FGF12: variants seen among roughly 807,000 people sequenced by gnomAD.
FGF12 encodes the protein fibroblast growth factor 12B.
A neutral mutation model predicts 23.6 loss-of-function variants in FGF12; 14 were observed. The ratio of observed to expected loss-of-function variants is 0.59; its 90% CI spans 0.39 to 0.93. The LOEUF (loss-of-function observed/expected upper bound fraction) is 0.93. Among genes scored for constraint, FGF12 ranks in the 40% least tolerant of loss-of-function variants. The pLI is 0.00. For synonymous variants in FGF12, 62 were observed against 77.3 expected, an observed-to-expected ratio of 0.80 and a Z score of 1.04; for missense variants, 175 against 217.8, an observed-to-expected ratio of 0.80 and a Z score of 1.24.
chr3:192,380,479 A>C (rs1040966809), intron 2 of FGF12, among the ~76,000 whole-genome samples: 1 of 152,216 alleles, frequency 6.6e-6, no homozygotes, highest in Non-Finnish European at 1.5e-5. Context: ...GAAAGTATAG[A>C]TGGTGGCTAA....
At chr3:192,359,326 C>G (rs1356095528) in intron 3 of FGF12, among the ~76,000 whole-genome samples, 1 of 152,142 alleles carries the variant, frequency 6.6e-6, no homozygotes, top group African/African-American at 2.4e-5. Context: ...AATTTTTCCT[C>G]AAATAGTTCT....
chr3:192,212,617 T>C (rs1717990844), intron 4 of FGF12, among the ~76,000 whole-genome samples: 1 of 152,194 alleles, frequency 6.6e-6, no homozygotes, highest in East Asian at 1.9e-4. Context: ...TTCTGCTAGA[T>C]ACCATTAAAC....
intron 4 of FGF12, among the ~76,000 whole-genome samples, chr3:192,187,461 A>G (rs1716535670): frequency 1.3e-5 from 2 of 152,204 alleles, no homozygotes; most frequent in Non-Finnish European, 2.9e-5. Context: ...ACCAAACAGC[A>G]TTTGCTATTT....
intron 4 of FGF12, among the ~76,000 whole-genome samples, chr3:192,183,101 C>T (rs1462255823): frequency 3.3e-5 from 5 of 152,208 alleles, no homozygotes; most frequent in African/African-American, 9.6e-5. Context: ...TGGACTGGGA[C>T]GCAGCATGTG....
chr3:192,690,882 G>A (rs1399574354), intron 2 of FGF12, among the ~76,000 whole-genome samples: 1 of 152,022 alleles, frequency 6.6e-6, no homozygotes, highest in East Asian at 1.9e-4. Flanking sequence ...GAGAGCAGAG[G>A]TAGCTTTTAT....
intron 2 of FGF12, among the ~76,000 whole-genome samples, chr3:192,552,028 T>C (rs1287639573): frequency 3.3e-5 from 5 of 152,038 alleles, no homozygotes; most frequent in African/African-American, 4.8e-5. Flanking sequence ...AAGAAAAATG[T>C]AGAAATAATA....
chr3:192,638,154 G>A (rs1159700007), intron 2 of FGF12, among the ~76,000 whole-genome samples: 2 of 152,066 alleles, frequency 1.3e-5, no homozygotes, highest in African/African-American at 4.8e-5. Context: ...ATAAATAATA[G>A]CAGAGTAACT....
chr3:192,570,398 G>T (rs1180111317), intron 2 of FGF12, among the ~76,000 whole-genome samples: 4 of 151,074 alleles, frequency 2.6e-5, no homozygotes, highest in African/African-American at 9.8e-5. Flanking sequence ...AAATCTGGTA[G>T]TCCAAATATG....
intron 5 of FGF12, among the ~76,000 whole-genome samples, chr3:192,152,821 C>T (rs368202491): frequency 0.24 from 20,846 of 86,426 alleles, 3,230 homozygotes; most frequent in Non-Finnish European, 0.33. Context: ...CTGTAGATGT[C>T]TATTAGGTCC....
intron 2 of FGF12, among the ~76,000 whole-genome samples, chr3:192,721,065 C>G (rs189738264): frequency 6.6e-6 from 1 of 152,144 alleles, no homozygotes; most frequent in African/African-American, 2.4e-5. Context: ...AATAAGCACA[C>G]AAGAAATCCC....
chr3:192,457,350 C>T (rs917236500), intron 2 of FGF12, among the ~76,000 whole-genome samples: 3 of 152,218 alleles, frequency 2.0e-5, no homozygotes, highest in Admixed American at 6.5e-5. Context: ...CAGAAGAAGA[C>T]AGGAAAATGT....
chr3:192,180,425 C>CTT, intron 4 of FGF12, among the ~76,000 whole-genome samples: 1 of 152,336 alleles, frequency 6.6e-6, no homozygotes, highest in East Asian at 1.9e-4. Context: ...GCCTTTGGTT[C>CTT]TTACCAAGTG....
chr3:192,202,945 A>G (rs906297067), intron 4 of FGF12, among the ~76,000 whole-genome samples: 1 of 152,224 alleles, frequency 6.6e-6, no homozygotes, highest in African/African-American at 2.4e-5. Flanking sequence ...CCTGATATCA[A>G]TGAAGAAAAG....
intron 2 of FGF12, among the ~76,000 whole-genome samples, chr3:192,544,392 G>A (rs1367990193): frequency 1.3e-5 from 2 of 152,100 alleles, no homozygotes; most frequent in Non-Finnish European, 2.9e-5. Context: ...TTTTTGTGTG[G>A]ATAGTTGTTC....
chr3:192,563,248 A>G (rs1358579055), intron 2 of FGF12, among the ~76,000 whole-genome samples: 10 of 152,240 alleles, frequency 6.6e-5, no homozygotes, highest in Non-Finnish European at 1.3e-4. Flanking sequence ...AAAACAGGTA[A>G]ATAGACACAA....
At chr3:192,378,655 G>T (rs1310017222) in intron 2 of FGF12, among the ~76,000 whole-genome samples, 1 of 151,970 alleles carries the variant, frequency 6.6e-6, no homozygotes, top group Non-Finnish European at 1.5e-5. Context: ...TTTATTTGTT[G>T]TTTCTTGTTC....
At chr3:192,187,392 A>G (rs543637434) in intron 4 of FGF12, among the ~76,000 whole-genome samples, 4 of 152,302 alleles carry the variant, frequency 2.6e-5, no homozygotes, top group African/African-American at 7.2e-5. Flanking sequence ...TATATTTTTA[A>G]TGTAAAACAG....
At chr3:192,608,774 C>T (rs957362281) in intron 2 of FGF12, among the ~76,000 whole-genome samples, 1 of 152,088 alleles carries the variant, frequency 6.6e-6, no homozygotes, top group Admixed American at 6.6e-5. Flanking sequence ...GAAAATCCAG[C>T]CCCCAGTTTT....
chr3:192,354,066 T>G (rs951231045), intron 3 of FGF12, among the ~76,000 whole-genome samples: 1 of 152,222 alleles, frequency 6.6e-6, no homozygotes, highest in African/African-American at 2.4e-5. Context: ...TATCAAAACA[T>G]CATATGTTTG....
Sources: allele counts gnomAD v4.1 joint callset (sites outside exome capture counted in the v4.1 genomes callset), GRCh38; gene constraint gnomAD v4.1.1; transcripts MANE v1.5; gene names NCBI Gene and HGNC (gene_info 2026-07-23, HGNC 2026-07-21).